PIK3R3: variants seen among roughly 807,000 people sequenced by gnomAD.
PIK3R3 encodes the protein phosphoinositide-3-kinase regulatory subunit 3, also known as phosphatidylinositol 3-kinase regulatory subunit gamma.
Under a neutral mutation model 62.9 loss-of-function variants are expected in PIK3R3, and 64 were observed. The ratio of observed to expected loss-of-function variants is 1.02; its 90% CI spans 0.83 to 1.25. PIK3R3 has a LOEUF of 1.25. PIK3R3 is among the 50% of genes most tolerant of loss of function. The pLI is 0.00. For missense variants in PIK3R3, 614 were observed against 561.6 expected, an observed-to-expected ratio of 1.09 and a Z score of -0.94; for synonymous variants, 165 against 189.0, an observed-to-expected ratio of 0.87 and a Z score of 1.04.
At chr1:46,088,791 G>A (rs940876516) in intron 1 of PIK3R3, among the ~76,000 whole-genome samples, 3 of 150,074 alleles carry the variant, frequency 2.0e-5, no homozygotes, top group African/African-American at 7.4e-5. Flanking sequence ...GCCACACAAT[G>A]AATGAAAAAG....
rs1647060889 is a variant in PIK3R3, at chr1:46,044,511, C to G, written c.1188-640G>C. Among the ~76,000 whole-genome samples the G allele has an allele frequency of 1.3e-5, 2 of 152,158 alleles. No individual in the cohort carries two copies. Among genetic ancestry groups the G allele is most frequent in the Non-Finnish European group, 2.9e-5 (2 of 68,030 alleles). Reference sequence around the variant, plus strand: ...TTCTTTTTATTATTCTTAGAAGATCCTAAGTCTTACAAGAACCATTCTCGC... The same window carrying G: ...TTCTTTTTATTATTCTTAGAAGATCGTAAGTCTTACAAGAACCATTCTCGC... On this transcript the variant is annotated intron_variant, in intron 9 of 9. Coordinates refer to ENST00000262741, the MANE Select transcript of PIK3R3 (RefSeq NM_003629.4). This position sits in a 1 kb window ranked among gnomAD's most constrained non-coding sequence, Gnocchi z 4.2.
chr1:46,066,002 TG>T, intron 5 of PIK3R3, 51 bp downstream of exon 5: 1 of 1,539,008 alleles, frequency 6.5e-7, no homozygotes, highest in South Asian at 1.1e-5. Context: ...GAAAATTTGA[TG>T]TAACTAAAAC....
intron 1 of PIK3R3, among the ~76,000 whole-genome samples, chr1:46,123,182 C>T (rs1032226292): frequency 6.6e-6 from 1 of 152,172 alleles, no homozygotes; most frequent in Non-Finnish European, 1.5e-5. Context: ...CATAATATAA[C>T]ACATGATTCC....
chr1:46,138,157 A>G, the PIK3R3 span, among the ~76,000 whole-genome samples: 1 of 152,232 alleles, frequency 6.6e-6, no homozygotes, highest in Non-Finnish European at 1.5e-5. Flanking sequence ...TTTTTCTGAA[A>G]TATAACACCA....
At chr1:46,155,518 C>T in the PIK3R3 span, among the ~76,000 whole-genome samples, 2 of 151,936 alleles carry the variant, frequency 1.3e-5, no homozygotes, top group South Asian at 4.2e-4. Flanking sequence ...ACAATCTCAG[C>T]TCAATGCAGC....
At chr1:46,077,378 G>T in intron 3 of PIK3R3, 137 bp downstream of exon 3, 1 of 456,414 alleles carries the variant, frequency 2.2e-6, no homozygotes, top group East Asian at 3.3e-5. Flanking sequence ...GAATTAGCCA[G>T]ACTGGAAATT....
chr1:46,116,640 T>A (rs916056011), intron 1 of PIK3R3, among the ~76,000 whole-genome samples: 1 of 151,128 alleles, frequency 6.6e-6, no homozygotes, highest in Non-Finnish European at 1.5e-5. Context: ...CCAGCCTGGG[T>A]GACAGAGCGA....
chr1:46,057,956 C>A (rs1264578215), intron 6 of PIK3R3, among the ~76,000 whole-genome samples: 1 of 152,154 alleles, frequency 6.6e-6, no homozygotes, highest in Non-Finnish European at 1.5e-5. Flanking sequence ...GTCTTCAGGG[C>A]ATGTCAGAGG....
the PIK3R3 span, among the ~76,000 whole-genome samples, chr1:46,162,161 G>A: frequency 1.1e-4 from 17 of 150,558 alleles, no homozygotes; most frequent in South Asian, 6.3e-4. Flanking sequence ...CAATTTATAC[G>A]TCTAAGGGTA....
chr1:46,127,140 G>C (rs987282024), intron 1 of PIK3R3, among the ~76,000 whole-genome samples: 1 of 151,986 alleles, frequency 6.6e-6, no homozygotes, highest in East Asian at 1.9e-4. Context: ...TTCAAGGCCA[G>C]CCTAGGCAAC....
intron 1 of PIK3R3, among the ~76,000 whole-genome samples, chr1:46,116,166 T>C (rs1249863972): frequency 6.6e-5 from 10 of 152,124 alleles, no homozygotes; most frequent in Admixed American, 6.6e-4. Context: ...GTTCTTCCTC[T>C]GAATGGGACG....
chr1:46,067,205 G>T, intron 3 of PIK3R3, 114 bp from the exon 4 acceptor site: 1 of 641,814 alleles, frequency 1.6e-6, no homozygotes, highest in Non-Finnish European at 2.6e-6. Context: ...GTTTTACTAT[G>T]TTAATGAGGC....
In PIK3R3 at chr1:46,046,566, T is replaced by C. The variant is rs1301761756; in HGVS notation, c.1001A>G (p.Asn334Ser). 4 of 1,612,336 alleles carry C rather than the reference T, an allele frequency of 2.5e-6. No individual in the cohort carries two copies. The highest frequency in any genetic ancestry group is 1.7e-5 in the Admixed American group (1 of 60,010). Residue 334 changes from asparagine to serine, a missense_variant, in exon 8 of 10, where the codon AAT becomes AGT. Physicochemically the swap from Asn to Ser is conservative, Grantham distance 46. Transcript: ENST00000262741. ...KRLNVWLGIK[N>S]EDADENYFIN... ...GAGAACTTACTCATCAGCATCCTCA[T>C]TCTTAATTCCCAGCCAGACATTCAG...
chr1:46,076,918 A>T (rs186694026), intron 3 of PIK3R3, among the ~76,000 whole-genome samples: 7 of 152,230 alleles, frequency 4.6e-5, no homozygotes, highest in Admixed American at 1.3e-4. Flanking sequence ...TTTCCTTTTT[A>T]AAAAAAATCA....
At chr1:46,077,785 T>C (rs1338047667) in intron 2 of PIK3R3, among the ~76,000 whole-genome samples, 172 bp from the exon 3 acceptor site, 4 of 152,226 alleles carry the variant, frequency 2.6e-5, no homozygotes, top group African/African-American at 9.6e-5. Context: ...GCATTAAATA[T>C]GCTCTTTCTG....
At chr1:46,048,581 C>A (rs778348182) in intron 7 of PIK3R3, among the ~76,000 whole-genome samples, 1 of 152,146 alleles carries the variant, frequency 6.6e-6, no homozygotes, top group Non-Finnish European at 1.5e-5. Context: ...AATATGCACA[C>A]TGGGTAAAAA....
chr1:46,050,800 C>T (rs1350491601), intron 7 of PIK3R3, among the ~76,000 whole-genome samples: 1 of 152,106 alleles, frequency 6.6e-6, no homozygotes, highest in Non-Finnish European at 1.5e-5. Flanking sequence ...ACAGAAACAA[C>T]CCAAATGTCC....
the PIK3R3 span, among the ~76,000 whole-genome samples, chr1:46,154,598 A>T: frequency 3.3e-5 from 5 of 152,112 alleles, no homozygotes; most frequent in Non-Finnish European, 7.4e-5. Flanking sequence ...AATCCTAGGA[A>T]CTAAAGTGTG....
At position 46,044,006 on chromosome 1, in the gene PIK3R3, C is replaced by T. The variant is rs147332342; in HGVS notation, c.1188-135G>A. 3.1e-4 allele frequency: 222 copies of T among 724,738 alleles called. 2 individuals carry two copies. Among genetic ancestry groups the T allele is most frequent in the Middle Eastern group, 1.7e-3 (6 of 3,528 alleles). The allele number at this position is 724,738 out of a possible 1,614,324, so 44.9% of individuals were successfully genotyped here. ...TAACCAGGCAAAGCTTGTGAAATTG[C>T]GTTCCCATTCCCTACAGACTTGGCC... On this transcript the variant is annotated intron_variant, in intron 9 of 9. Coordinates refer to ENST00000262741, the MANE Select transcript of PIK3R3 (RefSeq NM_003629.4). This position sits in a 1 kb window ranked among gnomAD's most constrained non-coding sequence, Gnocchi z 4.2.
Sources: allele counts gnomAD v4.1 joint callset (sites outside exome capture counted in the v4.1 genomes callset), GRCh38; gene constraint gnomAD v4.1.1; non-coding constraint Gnocchi (gnomAD v3.1); transcripts MANE v1.5; gene names NCBI Gene and HGNC (gene_info 2026-07-23, HGNC 2026-07-21).